Variants in ZNF385D observed in about 807,000 individuals in gnomAD.
The protein encoded by ZNF385D is zinc finger protein 659.
In ZNF385D, 15 loss-of-function variants were observed where a neutral mutation model predicts 35.8. The ratio of observed to expected loss-of-function variants is 0.42; its 90% CI spans 0.28 to 0.64. ZNF385D has a LOEUF of 0.64. Among genes scored for constraint, ZNF385D ranks in the 30% least tolerant of loss-of-function variants. The probability of loss-of-function intolerance (pLI) is 0.23; values close to 1 mark genes in which losing one functional copy is unlikely to be tolerated. For missense variants in ZNF385D, 474 were observed against 494.6 expected (o/e 0.96, Z 0.39); for synonymous variants, 212 against 186.8 (o/e 1.13, Z -1.10).
Position 22,238,531 on chromosome 3 carries a change from TTTTG to T in ZNF385D, c.107-69500_107-69497del, listed in dbSNP as rs1022712601. Among the ~76,000 whole-genome samples, 37 of 151,116 alleles carry T rather than the reference TTTTG, an allele frequency of 2.4e-4. 1 individual carries two copies. Among genetic ancestry groups the T allele is most frequent in the African/African-American group, 7.6e-4 (31 of 40,852 alleles). On this transcript the variant is annotated intron_variant, in intron 2 of 5. Coordinates refer to the ZNF385D transcript ENST00000494108. Reference sequence around the variant, plus strand: ...ATTTAGTATACAAGTTTTACACTTATTTTGTTTAATATTATTCTTTGATGTTATC... The same window carrying T: ...ATTTAGTATACAAGTTTTACACTTATTTTAATATTATTCTTTGATGTTATC...
intron 3 of ZNF385D, among the ~76,000 whole-genome samples, chr3:22,137,774 C>G (rs1471407437): frequency 4.6e-5 from 7 of 152,026 alleles, no homozygotes; most frequent in Non-Finnish European, 8.8e-5. Flanking sequence ...CAGGGATGCC[C>G]TCTCTCACCA....
chr3:21,630,047 GTTTAT>G (rs1474606514), intron 2 of ZNF385D, among the ~76,000 whole-genome samples: 2 of 151,960 alleles, frequency 1.3e-5, no homozygotes, highest in Admixed American at 6.6e-5. Flanking sequence ...ATCCTATGAA[GTTTAT>G]TTTATTATTA....
intron 2 of ZNF385D, among the ~76,000 whole-genome samples, chr3:22,336,040 G>C (rs1695146022): frequency 6.6e-6 from 1 of 151,386 alleles, no homozygotes; most frequent in South Asian, 2.1e-4. Flanking sequence ...AACTAGCGCT[G>C]ATGATACAGA....
At chr3:21,424,882 T>C (rs1352377014) in intron 6 of ZNF385D, among the ~76,000 whole-genome samples, 2 of 152,100 alleles carry the variant, frequency 1.3e-5, no homozygotes, top group African/African-American at 4.8e-5. Context: ...AGCAAAATAT[T>C]GTACATATAT....
chr3:21,787,803 C>A (rs146348181), intron 3 of ZNF385D, among the ~76,000 whole-genome samples: 3 of 151,544 alleles, frequency 2.0e-5, no homozygotes, highest in Admixed American at 6.6e-5. Context: ...GGAAGAAGAG[C>A]GTACTTTTTT....
intron 3 of ZNF385D, among the ~76,000 whole-genome samples, chr3:21,773,776 T>C (rs1376958493): frequency 6.7e-6 from 1 of 150,324 alleles, no homozygotes; most frequent in Non-Finnish European, 1.5e-5. Context: ...AAAAAACAAC[T>C]GCTGGTGAGG....
rs545676406 is a variant in ZNF385D at position 21,945,172 on chromosome 3, A to G, written c.325+223645T>C. Among the ~76,000 whole-genome samples the G allele has an allele frequency of 5.3e-5, 8 of 151,184 alleles. No individual in the cohort carries two copies. The South Asian group carries it at 1.2e-3, about 24-fold the overall frequency. On this transcript the variant is annotated intron_variant, in intron 3 of 5. Transcript: ENST00000494108. ...TATATATATACACACACATATATAT[A>G]TAGTGAGAGAGAGAGAGACAGATTG...
chr3:21,626,982 A>C (rs1289446342), intron 2 of ZNF385D, among the ~76,000 whole-genome samples: 1 of 152,002 alleles, frequency 6.6e-6, no homozygotes, highest in Non-Finnish European at 1.5e-5. Flanking sequence ...TTTGGTGCCT[A>C]TCAATGATGA....
chr3:22,081,338 T>C (rs1227016784), intron 3 of ZNF385D, among the ~76,000 whole-genome samples: 1 of 152,190 alleles, frequency 6.6e-6, no homozygotes, highest in Non-Finnish European at 1.5e-5. Context: ...CTCCATTTAG[T>C]AGCTCCATTC....
chr3:22,161,190 T>A lies in ZNF385D; in HGVS notation c.325+7627A>T, dbSNP rs140600137. 4.1e-3 allele frequency among the ~76,000 whole-genome samples: 630 copies of A among 152,182 alleles called. 2 individuals are homozygous for A. Among genetic ancestry groups the A allele is most frequent in the African/African-American group, 0.014 (578 of 41,562 alleles). Reference sequence around the variant, plus strand: ...AATCTCAACTCCACTACTAATTTCCTATGGTAATTAAAAAATATATATCAT... The same window carrying A: ...AATCTCAACTCCACTACTAATTTCCAATGGTAATTAAAAAATATATATCAT... On this transcript the variant is annotated intron_variant, in intron 3 of 5. Coordinates refer to the ZNF385D transcript ENST00000494108.
chr3:21,797,842 G>C (rs974931565), intron 3 of ZNF385D, among the ~76,000 whole-genome samples: 3 of 152,152 alleles, frequency 2.0e-5, no homozygotes, highest in African/African-American at 7.2e-5. Context: ...CCAGGAATTT[G>C]GGGGTAGGAG....
chr3:22,253,510 G>A (rs569476002), intron 2 of ZNF385D, among the ~76,000 whole-genome samples: 17 of 151,952 alleles, frequency 1.1e-4, no homozygotes, highest in South Asian at 1.0e-3. Context: ...TTAATAGTTC[G>A]GTTTATGATG....
At chr3:22,305,781 A>G (rs1703174874) in intron 2 of ZNF385D, among the ~76,000 whole-genome samples, 1 of 152,140 alleles carries the variant, frequency 6.6e-6, no homozygotes, top group African/African-American at 2.4e-5. Context: ...CTCATGAACA[A>G]CCAATGATTA....
intron 3 of ZNF385D, among the ~76,000 whole-genome samples, chr3:22,117,572 C>G (rs1702876111): frequency 1.4e-5 from 2 of 145,232 alleles, no homozygotes; most frequent in East Asian, 3.9e-4. Context: ...ATTTATTCCA[C>G]TATTTTTTTT....
intron 3 of ZNF385D, among the ~76,000 whole-genome samples, chr3:22,046,271 C>A (rs1437533977): frequency 6.6e-6 from 1 of 152,072 alleles, no homozygotes; most frequent in Non-Finnish European, 1.5e-5. Context: ...TAAAACTGCT[C>A]ATTTTTGCTG....
intron 2 of ZNF385D, among the ~76,000 whole-genome samples, chr3:22,337,899 A>C (rs1233239507): frequency 6.6e-6 from 1 of 152,204 alleles, no homozygotes; most frequent in Non-Finnish European, 1.5e-5. Flanking sequence ...TGGATAGTAA[A>C]GAGAGTGGTG....
intron 2 of ZNF385D, among the ~76,000 whole-genome samples, chr3:22,365,101 A>G (rs922977214): frequency 4.6e-5 from 7 of 152,074 alleles, no homozygotes; most frequent in Non-Finnish European, 2.9e-5. Flanking sequence ...GCAGGGAAGA[A>G]TGGGGAACAA....
intron 3 of ZNF385D, among the ~76,000 whole-genome samples, chr3:22,149,229 A>G (rs1435270048): frequency 6.6e-6 from 1 of 152,190 alleles, no homozygotes; most frequent in Non-Finnish European, 1.5e-5. Flanking sequence ...TACATTTCCT[A>G]AAAGTCTATA....
chr3:21,954,888 A>C (rs1382012037), intron 3 of ZNF385D, among the ~76,000 whole-genome samples: 1 of 152,122 alleles, frequency 6.6e-6, no homozygotes, highest in Non-Finnish European at 1.5e-5. Context: ...CATAATGAAA[A>C]GGAATGTAGC....
Sources: gnomAD v4.1 joint callset for allele counts (sites outside exome capture counted in the v4.1 genomes callset) on GRCh38, gnomAD v4.1.1 for gene constraint, MANE v1.5 for transcripts, NCBI Gene and HGNC (gene_info 2026-07-23, HGNC 2026-07-21) for gene names.